Variants in FBXL7 observed in about 807,000 individuals in gnomAD.
The protein encoded by FBXL7 is F-box and leucine rich repeat protein 7, also known as F-box/LRR-repeat protein 7.
In FBXL7, 12 loss-of-function variants were observed where a neutral mutation model predicts 38.3. The observed-to-expected ratio is 0.31, with a 90% CI of 0.20 to 0.51. The LOEUF (loss-of-function observed/expected upper bound fraction) is 0.51. Among genes scored for constraint, FBXL7 ranks in the 20% least tolerant of loss-of-function variants. The pLI is 0.98. For synonymous variants in FBXL7, 297 were observed against 300.9 expected, an observed-to-expected ratio of 0.99 and a Z score of 0.13; for missense variants, 567 against 676.4, an observed-to-expected ratio of 0.84 and a Z score of 1.79.
intron 2 of FBXL7, among the ~76,000 whole-genome samples, chr5:15,727,795 T>C (rs893705526): frequency 1.3e-5 from 2 of 152,202 alleles, no homozygotes; most frequent in African/African-American, 4.8e-5. Context: ...CCATTACTTC[T>C]GTAAATATTC....
At chr5:15,794,769 TCTC>T (rs1342393776) in intron 2 of FBXL7, among the ~76,000 whole-genome samples, 1 of 152,090 alleles carries the variant, frequency 6.6e-6, no homozygotes, top group Non-Finnish European at 1.5e-5. Flanking sequence ...CTGACGTTAG[TCTC>T]CTCTGTTCCT....
At chr5:15,708,346 A>C (rs934965281) in intron 2 of FBXL7, among the ~76,000 whole-genome samples, 2 of 152,174 alleles carry the variant, frequency 1.3e-5, no homozygotes, top group African/African-American at 4.8e-5. Context: ...TCATTGTAGG[A>C]CCTGGTCTGC....
chr5:15,673,513 A>G (rs1008270027), intron 2 of FBXL7, among the ~76,000 whole-genome samples: 39 of 152,128 alleles, frequency 2.6e-4, no homozygotes, highest in African/African-American at 9.2e-4. Flanking sequence ...CATGGAACAC[A>G]GAGACACATT....
At chr5:15,717,986 TTTAA>T (rs1231473212) in intron 2 of FBXL7, among the ~76,000 whole-genome samples, 3 of 152,352 alleles carry the variant, frequency 2.0e-5, no homozygotes, top group South Asian at 2.1e-4. Context: ...TATGTTAGTG[TTTAA>T]TTATTAACTT....
At chr5:15,764,631 A>G (rs1736539626) in intron 2 of FBXL7, among the ~76,000 whole-genome samples, 1 of 152,222 alleles carries the variant, frequency 6.6e-6, no homozygotes, top group Admixed American at 6.5e-5. Flanking sequence ...TTCAAATCCC[A>G]GCTTTTTCAC....
intron 2 of FBXL7, among the ~76,000 whole-genome samples, chr5:15,865,961 C>T (rs1739691829): frequency 6.6e-6 from 1 of 152,188 alleles, no homozygotes; most frequent in Non-Finnish European, 1.5e-5. Context: ...GACACCAGAA[C>T]ATGTAATTCT....
chr5:15,649,574 G>T (rs938604254), intron 2 of FBXL7, among the ~76,000 whole-genome samples: 6 of 152,148 alleles, frequency 3.9e-5, no homozygotes, highest in Admixed American at 3.3e-4. Flanking sequence ...ACTCATCTCA[G>T]TCATCCCATT....
intron 2 of FBXL7, among the ~76,000 whole-genome samples, chr5:15,617,567 T>C (rs1740497975): frequency 6.6e-6 from 1 of 152,176 alleles, no homozygotes; most frequent in Non-Finnish European, 1.5e-5. Context: ...ATTCAAGTGA[T>C]TCTCCTGCCT....
chr5:15,527,272 ATTAT>A (rs1737276832), intron 1 of FBXL7, among the ~76,000 whole-genome samples: 1 of 152,222 alleles, frequency 6.6e-6, no homozygotes, highest in Non-Finnish European at 1.5e-5. Flanking sequence ...CCTACATTTA[ATTAT>A]TATAGTCGAG....
intron 2 of FBXL7, among the ~76,000 whole-genome samples, chr5:15,641,382 G>C (rs529827737): frequency 9.8e-4 from 149 of 152,260 alleles, no homozygotes; most frequent in African/African-American, 3.5e-3. Flanking sequence ...TCTTCCCCTG[G>C]TATGAACACA....
At chr5:15,555,197 CACAG>C (rs773780384) in intron 1 of FBXL7, among the ~76,000 whole-genome samples, 9 of 152,014 alleles carry the variant, frequency 5.9e-5, no homozygotes, top group South Asian at 4.1e-4. Flanking sequence ...CGCACAGACA[CACAG>C]ACAGACAGAC....
At chr5:15,765,462 G>T (rs1579444477) in intron 2 of FBXL7, among the ~76,000 whole-genome samples, 1 of 152,222 alleles carries the variant, frequency 6.6e-6, no homozygotes, top group South Asian at 2.1e-4. Context: ...TCACAACTGA[G>T]CATACCTAGC....
At chr5:15,904,114 T>A (rs1310012825) in intron 2 of FBXL7, among the ~76,000 whole-genome samples, 1 of 152,184 alleles carries the variant, frequency 6.6e-6, no homozygotes, top group African/African-American at 2.4e-5. Flanking sequence ...TTTTTCTTAC[T>A]TTTTATCAGT....
chr5:15,831,263 A>G (rs1165883068), intron 2 of FBXL7, among the ~76,000 whole-genome samples: 1 of 152,166 alleles, frequency 6.6e-6, no homozygotes, highest in African/African-American at 2.4e-5. Context: ...GGGAGTAGAC[A>G]AGGCATTTTT....
At chr5:15,536,288 A>G (rs1365346008) in intron 1 of FBXL7, among the ~76,000 whole-genome samples, 1 of 152,228 alleles carries the variant, frequency 6.6e-6, no homozygotes, top group East Asian at 1.9e-4. Flanking sequence ...GGTACTGTCT[A>G]ATGGAGCTGT....
intron 2 of FBXL7, among the ~76,000 whole-genome samples, chr5:15,709,301 A>AG (rs1172256594): frequency 6.6e-6 from 1 of 152,172 alleles, no homozygotes; most frequent in Non-Finnish European, 1.5e-5. Flanking sequence ...TGGGAGGCAG[A>AG]GGCAGTTGGG....
intron 2 of FBXL7, among the ~76,000 whole-genome samples, chr5:15,872,077 A>C (rs1315739016): frequency 6.6e-6 from 1 of 152,336 alleles, no homozygotes; most frequent in South Asian, 2.1e-4. Flanking sequence ...CAGCAGACTA[A>C]GAGCGGATCT....
intron 2 of FBXL7, among the ~76,000 whole-genome samples, chr5:15,890,272 A>G (rs1450961351): frequency 2.0e-5 from 3 of 151,972 alleles, no homozygotes; most frequent in African/African-American, 7.2e-5. Context: ...GTTTTTTTTA[A>G]GACAGAGTTT....
intron 2 of FBXL7, among the ~76,000 whole-genome samples, chr5:15,917,249 A>C: frequency 6.6e-6 from 1 of 152,344 alleles, no homozygotes; most frequent in Middle Eastern, 3.4e-3. Flanking sequence ...TTTTAAAGTA[A>C]ACTTAAATTA....
Sources: gnomAD v4.1 joint callset for allele counts (sites outside exome capture counted in the v4.1 genomes callset) on GRCh38, gnomAD v4.1.1 for gene constraint, MANE v1.5 for transcripts, NCBI Gene and HGNC (gene_info 2026-07-23, HGNC 2026-07-21) for gene names.